The following JAM3 variants were observed in gnomAD, a reference collection of about 807,000 sequenced individuals.
The protein encoded by JAM3 is junctional adhesion molecule 3.
Under a neutral mutation model 39.4 loss-of-function variants are expected in JAM3, and 31 were observed. The ratio of observed to expected loss-of-function variants is 0.79; its 90% confidence interval spans 0.59 to 1.06. The LOEUF is 1.06. Among genes scored for constraint, JAM3 ranks in the 50% least tolerant of loss-of-function variants. The probability of loss-of-function intolerance (pLI) is 0.00; values close to 1 mark genes in which losing one functional copy is unlikely to be tolerated. For synonymous variants in JAM3, 182 were observed against 148.7 expected (o/e 1.22, Z -1.63); for missense variants, 455 against 391.4 (o/e 1.16, Z -1.37).
intron 3 of JAM3, among the ~76,000 whole-genome samples, chr11:134,142,251 G>A (rs1942988472): frequency 6.6e-6 from 1 of 152,188 alleles, no homozygotes; most frequent in Non-Finnish European, 1.5e-5. Context: ...GTTCGGGGAG[G>A]ATGCAGCTGT....
intron 1 of JAM3, among the ~76,000 whole-genome samples, chr11:134,078,966 G>C (rs1941619357): frequency 6.6e-6 from 1 of 152,198 alleles, no homozygotes; most frequent in Admixed American, 6.5e-5. Flanking sequence ...TTGAACCTGG[G>C]AGGTGGAGGT....
rs1225115710 is a variant in JAM3, at chr11:134,069,091, T to C, written c.8T>C (p.Leu3Pro). The C allele has an allele frequency of 6.2e-7, 1 of 1,611,482 alleles. No individual in the cohort carries two copies. Among genetic ancestry groups the C allele is most frequent in the Admixed American group, 1.7e-5 (1 of 59,928 alleles). ...CCCTCAGCAACCCTCGACATGGCGC[T>C]GAGGCGGCCACCGCGACTCCGGCTC... MA[L>P]RRPPRLRLCA... The change falls in exon 1 of 9, where the codon CTG becomes CCG. Residue 3 changes from leucine (L) to proline (P), a missense_variant. Physicochemically the swap from Leu to Pro is moderately conservative, Grantham distance 98 (BLOSUM62 -3). Transcript: ENST00000299106.
At position 134,148,955 on chromosome 11, in the gene JAM3, AACACACACAC is replaced by A. The variant is rs368934602; in HGVS notation, c.898-160_898-151del. On this transcript the variant is annotated intron_variant, in intron 8 of 8. Coordinates refer to ENST00000299106, the MANE Select transcript of JAM3 (RefSeq NM_032801.5). ...CTGAGCTCCTCAGCCCCTTCACAGT[AACACACACAC>A]ACACACACACACACACACACACACA... The A allele has an allele frequency of 9.0e-3, 6,192 of 689,636 alleles. 142 individuals carry two copies. The highest frequency in any genetic ancestry group is 0.083 in the African/African-American group (4,572 of 55,222). The allele number at this position is 689,636 out of a possible 1,614,324, so 42.7% of individuals were successfully genotyped here. A position where few individuals can be genotyped will look rare whatever the true frequency, so the allele number is the denominator to read the frequency against.
intron 1 of JAM3, among the ~76,000 whole-genome samples, chr11:134,107,622 G>A (rs1164959184): frequency 2.0e-5 from 3 of 152,074 alleles, no homozygotes; most frequent in Admixed American, 6.5e-5. Flanking sequence ...AAAGAAGAAA[G>A]GTCTGAAATC....
At chr11:134,128,201 A>ATGTAG (rs539259514) in intron 1 of JAM3, among the ~76,000 whole-genome samples, 10 of 152,256 alleles carry the variant, frequency 6.6e-5, no homozygotes, top group African/African-American at 2.2e-4. Flanking sequence ...CGTCTCCTTA[A>ATGTAG]TGTAGCTGGG....
intron 1 of JAM3, among the ~76,000 whole-genome samples, chr11:134,079,121 G>A (rs949357597): frequency 6.6e-6 from 1 of 152,102 alleles, no homozygotes; most frequent in African/African-American, 2.4e-5. Flanking sequence ...TATTCTTGAG[G>A]GTTGGGGTTG....
intron 1 of JAM3, among the ~76,000 whole-genome samples, chr11:134,082,260 C>A (rs1173811820): frequency 6.6e-6 from 1 of 152,226 alleles, no homozygotes; most frequent in African/African-American, 2.4e-5. Context: ...AAGGGACTTG[C>A]TTTGTCTCAG....
At chr11:134,124,318 G>T in intron 1 of JAM3, 4 of 798,148 alleles carry the variant, frequency 5.0e-6, no homozygotes, top group Non-Finnish European at 2.2e-6. Context: ...ACAGGGGCTG[G>T]ACGGTTCATT....
Position 134,149,634 on chromosome 11 carries a change from C to G in JAM3, c.*453C>G, listed in dbSNP as rs1197940834. The G allele has an allele frequency of 2.4e-5, 11 of 460,080 alleles. No homozygotes were observed. The highest frequency in any genetic ancestry group is 4.8e-5 in the Non-Finnish European group (11 of 229,662). 28.5% of individuals were successfully genotyped at this position (460,080 alleles called of 1,614,324 possible). The stretch of plus-strand genomic sequence containing the variant: ...CCCGGCGGGAACCCAGAAAAGGCTT[C>G]TTACACAGCAGCCTTACTTCATCGG... On this transcript the variant is annotated 3_prime_UTR_variant, in exon 9 of 9. Transcript: ENST00000299106.
intron 1 of JAM3, among the ~76,000 whole-genome samples, chr11:134,132,796 G>A (rs930418846): frequency 6.6e-6 from 1 of 152,152 alleles, no homozygotes; most frequent in Admixed American, 6.5e-5. Context: ...TGTCTGGGGG[G>A]GCCTGCTAAG....
intron 1 of JAM3, among the ~76,000 whole-genome samples, chr11:134,100,184 G>A (rs958835840): frequency 2.0e-5 from 3 of 151,942 alleles, no homozygotes; most frequent in African/African-American, 7.3e-5. Flanking sequence ...AAAAATAGTG[G>A]TCAGTTCCTA....
At chr11:134,078,448 C>T (rs1238894445) in intron 1 of JAM3, among the ~76,000 whole-genome samples, 1 of 152,204 alleles carries the variant, frequency 6.6e-6, no homozygotes, top group African/African-American at 2.4e-5. Flanking sequence ...ACCCTTTGCT[C>T]TCAGTTTAAC....
At position 134,130,665 on chromosome 11, in the gene JAM3, G is replaced by C. The variant is rs1295120123; in HGVS notation, c.77-9186G>C. Among the ~76,000 whole-genome samples, 3 of 152,280 alleles carry C rather than the reference G, an allele frequency of 2.0e-5. 1 individual carries two copies. The South Asian group carries it at 6.2e-4, about 32-fold the overall frequency. ...CTTTAAACCAGTAGGAAAGATTTGTGGTATTTTTACACACCCTTGCCCTAC... is the reference window on the plus strand; with the variant it reads ...CTTTAAACCAGTAGGAAAGATTTGTCGTATTTTTACACACCCTTGCCCTAC... On this transcript the variant is annotated intron_variant, in intron 1 of 8. Transcript: ENST00000299106.
At chr11:134,113,432 A>T (rs1206380378) in intron 1 of JAM3, among the ~76,000 whole-genome samples, 1 of 152,116 alleles carries the variant, frequency 6.6e-6, no homozygotes, top group Non-Finnish European at 1.5e-5. Flanking sequence ...TCTGAGTGAG[A>T]ACACGCGGTG....
intron 1 of JAM3, among the ~76,000 whole-genome samples, chr11:134,094,364 C>G (rs1449867550): frequency 7.0e-6 from 1 of 143,070 alleles, no homozygotes; most frequent in Non-Finnish European, 1.5e-5. Context: ...ATGTCACTTC[C>G]TGAGGGAAGC....
Position 134,151,455 on chromosome 11 carries a change from T to C in JAM3, c.*2274T>C, listed in dbSNP as rs1043944194. On this transcript the variant is annotated 3_prime_UTR_variant, in exon 9 of 9. Transcript: ENST00000299106. ...TTGTCATAGTGATAGGGTAGCCTTA[T>C]TGCCCCCTCTTCTTATACCCTAAAA... 1 of 152,208 alleles carries C rather than the reference T, an allele frequency of 6.6e-6. No individual in the cohort carries two copies. The highest frequency in any genetic ancestry group is 2.1e-4 in the South Asian group (1 of 4,832). 9.4% of individuals were successfully genotyped at this position (152,208 alleles called of 1,614,324 possible).
chr11:134,146,030 C>G lies in JAM3; in HGVS notation c.697C>G (p.Gln233Glu), dbSNP rs373764298. 96 of 1,612,500 alleles carry G rather than the reference C, an allele frequency of 6.0e-5. No homozygotes were observed. The highest frequency in any genetic ancestry group is 3.7e-4 in the Admixed American group (22 of 60,022). The change falls in exon 6 of 9, where the codon CAG becomes GAG. Residue 233 changes from glutamine to glutamate, a missense_variant. Gln to Glu is a conservative substitution (Grantham distance 29, BLOSUM62 2). Transcript: ENST00000299106. ...NDAGSARCEE[Q>E]EMEVYDLNIG... The stretch of plus-strand genomic sequence containing the variant: ...CGCAGGCTCAGCCAGGTGTGAGGAG[C>G]AGGAGATGGAAGTCTGTGAGTTTCT...
intron 1 of JAM3, among the ~76,000 whole-genome samples, chr11:134,070,974 G>A (rs1376961399): frequency 2.0e-5 from 3 of 152,136 alleles, no homozygotes; most frequent in South Asian, 4.1e-4. Context: ...CTTTGAAGGC[G>A]TGTAGCTATC....
At position 134,069,138 on chromosome 11, in the gene JAM3, T is replaced by TTCC. The variant is rs768670617; in HGVS notation, c.57_59dup (p.Leu23dup). The TTCC allele has an allele frequency of 1.2e-5, 20 of 1,612,964 alleles. No homozygotes were observed. In the South Asian group the frequency reaches 2.2e-4, roughly 18 times the overall value. On this transcript the variant is annotated inframe_insertion, in exon 1 of 9. Coordinates refer to ENST00000299106, the MANE Select transcript of JAM3 (RefSeq NM_032801.5). ...GCTCTGCGCTCGGCTGCCTGACTTC[T>TTCC]TCCTGCTGCTGCTTTTCAGGGGTGA...
Sources: allele counts gnomAD v4.1 joint callset (sites outside exome capture counted in the v4.1 genomes callset), GRCh38; gene constraint gnomAD v4.1.1; transcripts MANE v1.5; gene names NCBI Gene and HGNC (gene_info 2026-07-23, HGNC 2026-07-21).